TTLL5: variants seen among roughly 807,000 people sequenced by gnomAD.
TTLL5 encodes tubulin polyglutamylase TTLL5.
TTLL5 carries 132 observed loss-of-function variants against 168.4 expected under a neutral mutation model. That is an observed-to-expected ratio of 0.78 (90% CI 0.68 to 0.91). The LOEUF (loss-of-function observed/expected upper bound fraction) is 0.91, where lower values mean the gene tolerates loss of function less well. TTLL5 is among the 40% of genes least tolerant of loss of function. The pLI is 0.00. For missense variants in TTLL5, 1,545 were observed against 1,581.5 expected, an observed-to-expected ratio of 0.98 and a Z score of 0.39; for synonymous variants, 546 against 558.6, an observed-to-expected ratio of 0.98 and a Z score of 0.32.
At chr14:75,841,839 C>T (rs1896274329) in intron 28 of TTLL5, among the ~76,000 whole-genome samples, 1 of 152,114 alleles carries the variant, frequency 6.6e-6, no homozygotes, top group Non-Finnish European at 1.5e-5. Flanking sequence ...AAAATCTTCT[C>T]AGAGGTAGCT....
chr14:75,899,024 A>G (rs905064242), intron 30 of TTLL5, among the ~76,000 whole-genome samples: 3 of 152,206 alleles, frequency 2.0e-5, no homozygotes, highest in African/African-American at 7.2e-5. Flanking sequence ...CTGTATGTAG[A>G]TAGACTTATA....
intron 31 of TTLL5, among the ~76,000 whole-genome samples, chr14:75,924,044 C>CTTTTTTTT: frequency 7.0e-6 from 1 of 142,932 alleles, no homozygotes; most frequent in South Asian, 2.2e-4. Flanking sequence ...GCAACCCCAG[C>CTTTTTTTT]TTTTTTTTTT....
intron 1 of TTLL5, among the ~76,000 whole-genome samples, chr14:75,662,543 TAGTC>T (rs1267521470): frequency 3.3e-5 from 5 of 151,762 alleles, no homozygotes; most frequent in Middle Eastern, 3.4e-3. Context: ...TTCTCCATGT[TAGTC>T]AGGCTGGTCT....
intron 12 of TTLL5, among the ~76,000 whole-genome samples, chr14:75,722,599 C>A (rs577540136): frequency 6.6e-6 from 1 of 152,260 alleles, no homozygotes; most frequent in Non-Finnish European, 1.5e-5. Context: ...CACCCTATTT[C>A]TGCCAAACCA....
At chr14:75,847,574 A>T (rs1896615906) in intron 28 of TTLL5, 1 of 152,074 alleles carries the variant, frequency 6.6e-6, no homozygotes, top group Non-Finnish European at 1.5e-5. Context: ...ATATGTATTA[A>T]TGATTCAGTG....
intron 4 of TTLL5, among the ~76,000 whole-genome samples, chr14:75,682,562 A>G (rs1236682113): frequency 3.3e-5 from 5 of 151,948 alleles, no homozygotes; most frequent in Admixed American, 2.6e-4. Context: ...GCAGGAGGGG[A>G]TGGGTGGGTG....
In TTLL5 at chr14:75,671,850, A is replaced by T. The variant is rs78695307; in HGVS notation, c.181+2328A>T. Among the ~76,000 whole-genome samples the T allele has an allele frequency of 2.0e-5, 3 of 152,288 alleles. 1 individual carries two copies. The highest frequency in any genetic ancestry group is 4.2e-4 in the South Asian group (2 of 4,818). ...AGAGAATTTTAGTTCTTTCTCTCCA[A>T]CGTGGATGCCTTTTATTTCTTTTTC... On this transcript the variant is annotated intron_variant, in intron 3 of 31. Transcript: ENST00000298832.
At chr14:75,756,253 C>G (rs928100330) in intron 18 of TTLL5, among the ~76,000 whole-genome samples, 3 of 151,782 alleles carry the variant, frequency 2.0e-5, no homozygotes, top group Admixed American at 2.0e-4. Flanking sequence ...TTGCATTTGT[C>G]TCTTTACAAA....
chr14:75,932,283 C>A (rs1413076475), intron 31 of TTLL5, among the ~76,000 whole-genome samples: 2 of 151,952 alleles, frequency 1.3e-5, no homozygotes, highest in African/African-American at 4.8e-5. Context: ...TGGGAGGAAC[C>A]AAAAAACAGG....
chr14:75,701,045 G>T (rs75855225), intron 7 of TTLL5, among the ~76,000 whole-genome samples: 3,541 of 143,472 alleles, frequency 0.025, 124 homozygotes, highest in African/African-American at 0.073. Context: ...AACTTTTCTC[G>T]CATTTTTAAT....
chr14:75,742,702 G>A (rs1292261255), intron 15 of TTLL5, among the ~76,000 whole-genome samples: 1 of 152,216 alleles, frequency 6.6e-6, no homozygotes. Context: ...GGCTTTGCCA[G>A]TGGCTTTATG....
chr14:75,951,701 G>A (rs1225978388), intron 31 of TTLL5, among the ~76,000 whole-genome samples: 1 of 152,216 alleles, frequency 6.6e-6, no homozygotes, highest in Non-Finnish European at 1.5e-5. Context: ...GGTTGAGGCT[G>A]TGGTGAGCCA....
At chr14:75,668,262 C>A (rs1254560400) in intron 2 of TTLL5, among the ~76,000 whole-genome samples, 1 of 152,148 alleles carries the variant, frequency 6.6e-6, no homozygotes, top group African/African-American at 2.4e-5. Flanking sequence ...TACAACTTTG[C>A]TGAAATGCGA....
intron 30 of TTLL5, among the ~76,000 whole-genome samples, chr14:75,883,284 T>C (rs1015542221): frequency 6.6e-6 from 1 of 152,274 alleles, no homozygotes; most frequent in Non-Finnish European, 1.5e-5. Context: ...CCAAGCTCTG[T>C]GTAGCAACAG....
chr14:75,663,286 A>G (rs1302569804), intron 2 of TTLL5, 63 bp downstream of exon 2: 94 of 1,442,958 alleles, frequency 6.5e-5, no homozygotes, highest in Non-Finnish European at 8.5e-5. Context: ...ATACTCTTAT[A>G]TACTGTTTTA....
intron 12 of TTLL5, among the ~76,000 whole-genome samples, chr14:75,725,996 A>G (rs909427896): frequency 6.6e-6 from 1 of 152,188 alleles, no homozygotes; most frequent in Non-Finnish European, 1.5e-5. Context: ...CCAAGGTAAA[A>G]AGAATTTCCT....
chr14:75,779,584 A>G lies in TTLL5; in HGVS notation c.2397A>G (p.Glu799=). The G allele has an allele frequency of 1.2e-6, 2 of 1,613,492 alleles. No homozygotes were observed. The highest frequency in any genetic ancestry group is 1.3e-5 in the African/African-American group (1 of 74,988). The part of the protein sequence containing the change: ...QEFIRQASEA[E]LEEVLTFYTQ... ...TTTCTCCTCATTTCAGTGAGGCTGA[A>G]CTGGAGGAGGTGTTGACTTTTTATA... Residue 799 remains glutamate, a synonymous_variant, in exon 24 of 32, where the codon GAA becomes GAG. Coordinates refer to ENST00000298832, the MANE Select transcript of TTLL5 (RefSeq NM_015072.5).
chr14:75,861,121 G>A (rs536100262), intron 28 of TTLL5, among the ~76,000 whole-genome samples: 88 of 152,096 alleles, frequency 5.8e-4, no homozygotes, highest in Non-Finnish European at 5.9e-4. Flanking sequence ...TAATAGATAA[G>A]CTCTGAGCTT....
At chr14:75,666,786 C>T (rs543742634) in intron 2 of TTLL5, among the ~76,000 whole-genome samples, 1 of 152,232 alleles carries the variant, frequency 6.6e-6, no homozygotes, top group South Asian at 2.1e-4. Flanking sequence ...AGGCTGGGTC[C>T]CAGGAGTGAA....
Sources: allele counts gnomAD v4.1 joint callset (sites outside exome capture counted in the v4.1 genomes callset), GRCh38; gene constraint gnomAD v4.1.1; transcripts MANE v1.5; gene names NCBI Gene and HGNC (gene_info 2026-07-23, HGNC 2026-07-21).